MREG: variants seen among roughly 807,000 people sequenced by gnomAD.
The protein encoded by MREG is dilute suppressor protein homolog.
Under a neutral mutation model 28.5 loss-of-function variants are expected in MREG, and 31 were observed. The ratio of observed to expected loss-of-function variants is 1.09; its 90% CI spans 0.82 to 1.47. The LOEUF (loss-of-function observed/expected upper bound fraction) is 1.47, where lower values mean the gene tolerates loss of function less well. MREG is among the 40% of genes most tolerant of loss of function. The probability of loss-of-function intolerance (pLI) is 0.00; values close to 1 mark genes in which losing one functional copy is unlikely to be tolerated. For synonymous variants in MREG, 106 were observed against 95.2 expected (o/e 1.11, Z -0.66); for missense variants, 256 against 257.4 (o/e 0.99, Z 0.04).
At chr2:215,958,048 A>C (rs958486549) in intron 2 of MREG, among the ~76,000 whole-genome samples, 4 of 149,018 alleles carry the variant, frequency 2.7e-5, no homozygotes, top group African/African-American at 9.8e-5. Context: ...TAGGTGGGAA[A>C]TGAACAATGA....
chr2:215,987,899 G>A (rs184362151), intron 2 of MREG, among the ~76,000 whole-genome samples: 142 of 151,764 alleles, frequency 9.4e-4, no homozygotes, highest in African/African-American at 3.2e-3. Flanking sequence ...GTGAAACTCC[G>A]TCTCAAAATA....
intron 1 of MREG, among the ~76,000 whole-genome samples, chr2:216,024,043 C>G (rs1420340098): frequency 6.6e-6 from 1 of 152,114 alleles, no homozygotes; most frequent in Non-Finnish European, 1.5e-5. Flanking sequence ...AAGTATATGC[C>G]ATGAGTACCC....
intron 1 of MREG, among the ~76,000 whole-genome samples, chr2:215,998,721 C>T (rs1046961366): frequency 6.6e-6 from 1 of 152,152 alleles, no homozygotes; most frequent in African/African-American, 2.4e-5. Flanking sequence ...TTGGGCCCTG[C>T]CCATGTGAAC....
Position 215,964,825 on chromosome 2 carries a change from A to C in MREG, c.256-17712T>G, listed in dbSNP as rs527894767. ...TAACCCAAGAATTCCAGTTCTAAGA[A>C]TCTAGACAGACAGACAGATAGATAG... On this transcript the variant is annotated intron_variant, in intron 2 of 4. Coordinates refer to ENST00000263268, the MANE Select transcript of MREG (RefSeq NM_018000.3). Among the ~76,000 whole-genome samples the C allele has an allele frequency of 3.5e-3, 523 of 150,474 alleles. 3 individuals carry two copies. The highest frequency in any genetic ancestry group is 0.012 in the African/African-American group (510 of 41,034).
chr2:215,959,693 C>T (rs1016671096), intron 2 of MREG, among the ~76,000 whole-genome samples: 2 of 152,176 alleles, frequency 1.3e-5, no homozygotes, highest in Non-Finnish European at 1.5e-5. Flanking sequence ...CAATGACAGC[C>T]CTCCACACAG....
chr2:215,982,656 A>G (rs1423646566), intron 2 of MREG, among the ~76,000 whole-genome samples: 1 of 152,134 alleles, frequency 6.6e-6, no homozygotes, highest in Non-Finnish European at 1.5e-5. Flanking sequence ...CTGCTTGGGA[A>G]CTTTGTCTTT....
intron 1 of MREG, among the ~76,000 whole-genome samples, chr2:216,001,367 T>C (rs1559194228): frequency 1.3e-5 from 2 of 152,152 alleles, no homozygotes; most frequent in Non-Finnish European, 2.9e-5. Context: ...GCCTAGCCAC[T>C]GATATTCAGG....
At chr2:215,974,272 G>C (rs1283814653) in intron 2 of MREG, among the ~76,000 whole-genome samples, 1 of 152,162 alleles carries the variant, frequency 6.6e-6, no homozygotes, top group Non-Finnish European at 1.5e-5. Flanking sequence ...GGAAAGGACT[G>C]TTTCAGGTCA....
chr2:215,959,089 C>T (rs1692712465), intron 2 of MREG, among the ~76,000 whole-genome samples: 2 of 151,026 alleles, frequency 1.3e-5, no homozygotes. Context: ...CTGCTGGTTC[C>T]TCTTCCTTCA....
intron 1 of MREG, among the ~76,000 whole-genome samples, chr2:216,031,008 C>G (rs1032498286): frequency 1.3e-5 from 2 of 151,638 alleles, no homozygotes; most frequent in Admixed American, 6.6e-5. Flanking sequence ...TGTCCCTGCT[C>G]TCTCTCTCTC....
Position 216,013,414 on chromosome 2 carries a change from A to G in MREG, c.-87T>C, listed in dbSNP as rs1694371723. The G allele has an allele frequency of 1.0e-6, 1 of 967,176 alleles. No individual in the cohort carries two copies. The highest frequency in any genetic ancestry group is 2.7e-5 in the South Asian group (1 of 36,404). The allele number at this position is 967,176 out of a possible 1,614,324, so 59.9% of individuals were successfully genotyped here. ...GAGGCTGGGGCGCGGCCACCGCGCC[A>G]GCGTCCAGGTGCGGGGACAGCGGCA... On this transcript the variant is annotated 5_prime_UTR_variant, in exon 1 of 5. Coordinates refer to ENST00000263268, the MANE Select transcript of MREG (RefSeq NM_018000.3).
intron 2 of MREG, among the ~76,000 whole-genome samples, chr2:215,966,194 T>C (rs1692934538): frequency 6.6e-6 from 1 of 152,206 alleles, no homozygotes; most frequent in African/African-American, 2.4e-5. Flanking sequence ...CAGACCTCTC[T>C]CTGCTTTATC....
At chr2:216,011,541 G>A (rs1046361750) in intron 1 of MREG, among the ~76,000 whole-genome samples, 15 of 152,142 alleles carry the variant, frequency 9.9e-5, no homozygotes, top group Non-Finnish European at 2.1e-4. Context: ...TGAAATTGAG[G>A]CACAAATAAT....
At chr2:215,994,923 GT>G (rs1559191306) in intron 2 of MREG, among the ~76,000 whole-genome samples, 2 of 152,010 alleles carry the variant, frequency 1.3e-5, no homozygotes, top group African/African-American at 2.4e-5. Flanking sequence ...CATTATTTCC[GT>G]ATTGCTGTTA....
At chr2:215,975,027 T>TATATATATATATATATATATATA (rs1693215993) in intron 2 of MREG, among the ~76,000 whole-genome samples, 3 of 144,718 alleles carry the variant, frequency 2.1e-5, no homozygotes, top group African/African-American at 7.6e-5. Context: ...TATATATATA[T>TATATATATATATATATATATATA]GAAATAATAC....
chr2:216,021,561 T>C (rs183787250), intron 1 of MREG, among the ~76,000 whole-genome samples: 1 of 152,266 alleles, frequency 6.6e-6, no homozygotes, highest in Admixed American at 6.5e-5. Context: ...TTTAATGTTG[T>C]TCCATAGGCC....
chr2:215,995,557 C>T (rs953241351), intron 2 of MREG, among the ~76,000 whole-genome samples: 3 of 138,426 alleles, frequency 2.2e-5, no homozygotes, highest in Admixed American at 7.3e-5. Flanking sequence ...AGTTTCCCTA[C>T]CCTGCTCAAT....
At chr2:215,997,267 G>A (rs1693898733) in intron 1 of MREG, among the ~76,000 whole-genome samples, 1 of 152,144 alleles carries the variant, frequency 6.6e-6, no homozygotes, top group African/African-American at 2.4e-5. Flanking sequence ...CAATAAACAA[G>A]GCAGAATGTT....
intron 3 of MREG, 51 bp downstream of exon 3, chr2:215,946,972 A>G (rs1171513500): frequency 9.4e-7 from 1 of 1,060,984 alleles, no homozygotes; most frequent in South Asian, 1.4e-5. Context: ...ATTGAAGAAT[A>G]ATGATCACAA....
Sources: allele counts gnomAD v4.1 joint callset (sites outside exome capture counted in the v4.1 genomes callset), GRCh38; gene constraint gnomAD v4.1.1; transcripts MANE v1.5; gene names NCBI Gene and HGNC (gene_info 2026-07-23, HGNC 2026-07-21).